ZC3H14: variants seen among roughly 807,000 people sequenced by gnomAD.
ZC3H14 encodes the protein zinc finger CCCH domain-containing protein 14.
Under a neutral mutation model 92.4 loss-of-function variants are expected in ZC3H14, and 31 were observed. The observed-to-expected ratio is 0.34, with a 90% CI of 0.25 to 0.45. ZC3H14 has a LOEUF of 0.45. Among genes scored for constraint, ZC3H14 ranks in the 20% least tolerant of loss-of-function variants. ZC3H14 has a pLI of 1.00. For synonymous variants in ZC3H14, 321 were observed against 300.9 expected (o/e 1.07, Z -0.69); for missense variants, 781 against 897.3 (o/e 0.87, Z 1.66).
At chr14:88,599,516 T>C (rs1386909453) in intron 10 of ZC3H14, among the ~76,000 whole-genome samples, 2 of 152,182 alleles carry the variant, frequency 1.3e-5, no homozygotes, top group African/African-American at 4.8e-5. Context: ...CTGCTAACGT[T>C]CCGCTTGCAG....
At chr14:88,600,975 G>A (rs935853150) in intron 10 of ZC3H14, among the ~76,000 whole-genome samples, 1 of 151,942 alleles carries the variant, frequency 6.6e-6, no homozygotes, top group African/African-American at 2.4e-5. Flanking sequence ...TCGTTTCTCC[G>A]AGTCTCTCTC....
intron 10 of ZC3H14, among the ~76,000 whole-genome samples, chr14:88,600,771 A>T (rs907071276): frequency 2.6e-5 from 4 of 152,134 alleles, no homozygotes; most frequent in Non-Finnish European, 5.9e-5. Context: ...CTTACTAATT[A>T]TAGACCAGAA....
intron 9 of ZC3H14, chr14:88,590,137 A>T (rs1375975191): frequency 3.9e-5 from 6 of 152,182 alleles, no homozygotes; most frequent in Admixed American, 6.5e-5. Context: ...CTCCAAAAAA[A>T]AAAAGGCAAA....
chr14:88,615,873 A>C lies in ZC3H14; in HGVS notation c.*4122A>C. The C allele has an allele frequency of 6.2e-7, 1 of 1,608,020 alleles. No individual in the cohort carries two copies. Among genetic ancestry groups the C allele is most frequent in the Non-Finnish European group, 8.5e-7 (1 of 1,177,020 alleles). ...AAATAAGCTGCAATCAGAGAAGAAA[A>C]TTGCAGGGAGTTAATTATGTTTTTA... On this transcript the variant is annotated 3_prime_UTR_variant, in exon 17 of 17. Transcript: ENST00000251038.
intron 3 of ZC3H14, 61 bp from the exon 4 acceptor site, chr14:88,571,023 C>G: frequency 7.7e-7 from 1 of 1,304,614 alleles, no homozygotes; most frequent in South Asian, 1.8e-5. Flanking sequence ...TTTAGAGTGA[C>G]AGTTGAAATG....
rs1312024438 is a variant in ZC3H14, at chr14:88,627,404, T to C, written c.*15653T>C. The C allele has an allele frequency of 8.1e-6, 4 of 494,630 alleles. No homozygotes were observed. The highest frequency in any genetic ancestry group is 3.8e-5 in the Admixed American group (1 of 26,402). The allele number at this position is 494,630 out of a possible 1,614,324, so 30.6% of individuals were successfully genotyped here. A position where few individuals can be genotyped will look rare whatever the true frequency, so the allele number is the denominator to read the frequency against. Reference sequence around the variant, plus strand: ...TACATAGTTTCTTGCTGGAAGAAAATAGCAGTGAATCATTTATAATGCTAA... The same window carrying C: ...TACATAGTTTCTTGCTGGAAGAAAACAGCAGTGAATCATTTATAATGCTAA... On this transcript the variant is annotated 3_prime_UTR_variant, in exon 17 of 17. Transcript: ENST00000251038.
intron 6 of ZC3H14, among the ~76,000 whole-genome samples, chr14:88,573,397 CAAAA>C (rs1156712590): frequency 2.6e-5 from 4 of 151,674 alleles, no homozygotes; most frequent in South Asian, 2.1e-4. Context: ...AAAGAAAAAA[CAAAA>C]AACAAAAAAA....
chr14:88,600,636 G>A (rs1178308984), intron 10 of ZC3H14, among the ~76,000 whole-genome samples: 1 of 151,950 alleles, frequency 6.6e-6, no homozygotes, highest in Non-Finnish European at 1.5e-5. Context: ...TTTTCTGGTT[G>A]ATGGGAGGTC....
chr14:88,602,165 C>G, intron 11 of ZC3H14, 82 bp downstream of exon 11: 1 of 1,589,740 alleles, frequency 6.3e-7, no homozygotes, highest in African/African-American at 1.3e-5. Context: ...CTTCCCTCCT[C>G]CCCGCCCTAA....
At chr14:88,563,270 G>GC in intron 1 of ZC3H14, 101 bp downstream of exon 1, 1 of 1,540,662 alleles carries the variant, frequency 6.5e-7, no homozygotes, top group South Asian at 1.2e-5. Flanking sequence ...CCGCGGCCTG[G>GC]CCTCCGCTGG....
At chr14:88,597,022 C>T (rs184312725) in intron 10 of ZC3H14, among the ~76,000 whole-genome samples, 336 of 152,218 alleles carry the variant, frequency 2.2e-3, no homozygotes, top group Non-Finnish European at 4.1e-3. Flanking sequence ...AACTTTGTTC[C>T]TTTCACACCA....
In ZC3H14 at chr14:88,602,119, G is replaced by A. The variant is rs754561404; in HGVS notation, c.1514+36G>A. On this transcript the variant is annotated intron_variant, in intron 11 of 16. Transcript: ENST00000251038. ...TCTTTTTCTTGTGTAGTTAATTTGTGTGATTAGATAGTAAAGGTTAACCAT... is the reference window on the plus strand; with the variant it reads ...TCTTTTTCTTGTGTAGTTAATTTGTATGATTAGATAGTAAAGGTTAACCAT... 1.9e-6 allele frequency: 3 copies of A among 1,612,412 alleles called. No individual in the cohort carries two copies. The African/African-American group carries it at 4.0e-5, about 22-fold the overall frequency.
intron 9 of ZC3H14, chr14:88,592,155 C>T (rs566538790): frequency 6.6e-6 from 1 of 150,468 alleles, no homozygotes; most frequent in East Asian, 1.9e-4. Context: ...GTGACCCGTT[C>T]TGTTAGACCT....
At position 88,610,922 on chromosome 14, in the gene ZC3H14, G is replaced by A; in HGVS notation, c.2186G>A (p.Trp729Ter). ...GTCCCACCACGACATGCCTTGAAAT[G>A]GATTCGACCTCAAACCAGGTAAACA... ...INVPPRHALK[W>*]IRPQTSE Residue 729 changes from tryptophan (W) to a stop codon, truncating the protein, a stop_gained, in exon 16 of 17, where the codon TGG becomes TAG. Transcript: ENST00000251038. LOFTEE classifies it high-confidence loss of function. The A allele has an allele frequency of 6.2e-7, 1 of 1,614,076 alleles. No homozygotes were observed. The highest frequency in any genetic ancestry group is 8.5e-7 in the Non-Finnish European group (1 of 1,179,982).
At chr14:88,585,819 A>G (rs1251762637) in intron 9 of ZC3H14, among the ~76,000 whole-genome samples, 1 of 152,238 alleles carries the variant, frequency 6.6e-6, no homozygotes, top group East Asian at 1.9e-4. Flanking sequence ...GAAGAGCTTC[A>G]GTCTTTATCC....
rs747009432 is a variant in ZC3H14 at position 88,627,084 on chromosome 14, G to GAA, written c.*15334_*15335dup. 79 of 1,593,294 alleles carry GAA rather than the reference G, an allele frequency of 5.0e-5. No individual in the cohort carries two copies. The highest frequency in any genetic ancestry group is 6.4e-5 in the Non-Finnish European group (74 of 1,163,392). ...AACAAAATTATCTAGGTTATTACAA[G>GAA]AACCAAGCTAATCAACAGCATCAAA... On this transcript the variant is annotated 3_prime_UTR_variant, in exon 17 of 17. Coordinates refer to ENST00000251038, the MANE Select transcript of ZC3H14 (RefSeq NM_024824.5).
chr14:88,604,433 T>G (rs2085060888), intron 12 of ZC3H14, among the ~76,000 whole-genome samples: 1 of 152,064 alleles, frequency 6.6e-6, no homozygotes, highest in Non-Finnish European at 1.5e-5. Context: ...GTCTCTAGTC[T>G]CTGCACCACT....
At chr14:88,571,044 T>A (rs762422769) in intron 3 of ZC3H14, 40 bp from the exon 4 acceptor site, 1 of 1,487,170 alleles carries the variant, frequency 6.7e-7, no homozygotes, top group Non-Finnish European at 9.0e-7. Flanking sequence ...AAATCTTTCT[T>A]AACAGAAGGT....
At position 88,622,648 on chromosome 14, in the gene ZC3H14, T is replaced by C; in HGVS notation, c.*10897T>C. The C allele has an allele frequency of 6.2e-7, 1 of 1,611,694 alleles. No individual in the cohort carries two copies. ...CGAACACAATCTGTGGCTTGTCCTG[T>C]CTCAAGCCTGAAGGCACGGCACCGC... On this transcript the variant is annotated 3_prime_UTR_variant, in exon 17 of 17. Transcript: ENST00000251038.
Sources: allele counts gnomAD v4.1 joint callset (sites outside exome capture counted in the v4.1 genomes callset), GRCh38; gene constraint gnomAD v4.1.1; transcripts MANE v1.5; gene names NCBI Gene and HGNC (gene_info 2026-07-23, HGNC 2026-07-21).